The following CNTN3 variants were observed in gnomAD, a reference collection of about 807,000 sequenced individuals.
CNTN3 encodes the protein contactin 3.
CNTN3 carries 60 observed loss-of-function variants against 119.1 expected under a neutral mutation model. That is an observed-to-expected ratio of 0.50 (90% CI 0.41 to 0.62). CNTN3 has a LOEUF of 0.62. Among genes scored for constraint, CNTN3 ranks in the 20% least tolerant of loss-of-function variants. The probability of loss-of-function intolerance (pLI) is 0.00; values close to 1 mark genes in which losing one functional copy is unlikely to be tolerated. For missense variants in CNTN3, 1,101 were observed against 1,242.4 expected (o/e 0.89, Z 1.71); for synonymous variants, 450 against 438.7 (o/e 1.03, Z -0.32).
intron 4 of CNTN3, among the ~76,000 whole-genome samples, chr3:74,457,021 C>T: frequency 6.6e-6 from 1 of 151,950 alleles, no homozygotes; most frequent in Non-Finnish European, 1.5e-5. Flanking sequence ...ATGCAACAGT[C>T]TGTTAATGGT....
chr3:74,424,038 C>A (rs998193133), intron 5 of CNTN3, among the ~76,000 whole-genome samples: 2 of 152,122 alleles, frequency 1.3e-5, no homozygotes, highest in Non-Finnish European at 2.9e-5. Flanking sequence ...TCAGAAAGAT[C>A]CACTCTAACT....
intron 1 of CNTN3, among the ~76,000 whole-genome samples, chr3:74,530,284 C>T (rs1317228029): frequency 6.6e-6 from 1 of 151,956 alleles, no homozygotes; most frequent in African/African-American, 2.4e-5. Context: ...GCAGGTATTA[C>T]ATCCCAAAGG....
At chr3:74,381,010 T>C (rs1209227090) in intron 5 of CNTN3, among the ~76,000 whole-genome samples, 2 of 151,980 alleles carry the variant, frequency 1.3e-5, no homozygotes, top group Non-Finnish European at 1.5e-5. Context: ...AAGGGTCTTC[T>C]TACCAGGGAC....
At chr3:74,414,875 G>GCC (rs1197474020) in intron 5 of CNTN3, among the ~76,000 whole-genome samples, 1 of 81,672 alleles carries the variant, frequency 1.2e-5, no homozygotes, top group East Asian at 4.9e-4. Flanking sequence ...GTTTCCTATA[G>GCC]TCTTTTTTTT....
chr3:74,368,746 G>C (rs141045350), intron 8 of CNTN3, among the ~76,000 whole-genome samples: 1 of 150,958 alleles, frequency 6.6e-6, no homozygotes, highest in Non-Finnish European at 1.5e-5. Context: ...AACTCAACAA[G>C]AGCCAGAGTT....
intron 4 of CNTN3, among the ~76,000 whole-genome samples, chr3:74,459,363 A>G (rs1702324267): frequency 6.6e-6 from 1 of 151,950 alleles, no homozygotes; most frequent in African/African-American, 2.4e-5. Flanking sequence ...ATCCTTATCA[A>G]GGCCACCATC....
chr3:74,594,146 T>G (rs997600724), intron 1 of CNTN3, among the ~76,000 whole-genome samples: 1 of 151,904 alleles, frequency 6.6e-6, no homozygotes, highest in African/African-American at 2.4e-5. Flanking sequence ...GTTGTGCACT[T>G]CCTAGTGTAG....
intron 5 of CNTN3, among the ~76,000 whole-genome samples, chr3:74,407,329 C>T (rs538099362): frequency 3.1e-4 from 40 of 128,352 alleles, no homozygotes; most frequent in East Asian, 2.4e-4. Flanking sequence ...AGTTCAATGG[C>T]GCAATCTCAG....
intron 1 of CNTN3, among the ~76,000 whole-genome samples, chr3:74,603,939 A>T (rs894051982): frequency 6.6e-6 from 1 of 152,186 alleles, no homozygotes; most frequent in Non-Finnish European, 1.5e-5. Flanking sequence ...CAGCAATCAA[A>T]ACAGCATGGT....
intron 13 of CNTN3, among the ~76,000 whole-genome samples, chr3:74,310,632 A>G (rs548991828): frequency 6.6e-6 from 1 of 152,324 alleles, no homozygotes; most frequent in African/African-American, 2.4e-5. Context: ...GGAACAAGGT[A>G]GAAGTGGATA....
At chr3:74,511,300 C>A (rs954380968) in intron 2 of CNTN3, among the ~76,000 whole-genome samples, 1 of 152,060 alleles carries the variant, frequency 6.6e-6, no homozygotes, top group Non-Finnish European at 1.5e-5. Context: ...GTAAGACATC[C>A]ATGGATGTCA....
Position 74,369,217 on chromosome 3 carries a change from AT to A in CNTN3, c.917del (p.Asn306MetfsTer19). The A allele has an allele frequency of 1.2e-6, 2 of 1,605,488 alleles. No individual in the cohort carries two copies. The highest frequency in any genetic ancestry group is 8.5e-7 in the Non-Finnish European group (1 of 1,176,164). On this transcript the variant is annotated frameshift_variant, in exon 8 of 23. Transcript: ENST00000263665. LOFTEE classifies it high-confidence loss of function. The part of the protein sequence containing the change: ...ECIAENSRGK[N>X]VARGRLTYYA... ...AGTAAGTGAGACGCCCTCTGGCAACATTTTTTCCTCGTGAATTCTCAGCAAT... is the reference window on the plus strand; with the variant it reads ...AGTAAGTGAGACGCCCTCTGGCAACATTTTTCCTCGTGAATTCTCAGCAAT...
chr3:74,336,365 G>C (rs1169215428), intron 12 of CNTN3, among the ~76,000 whole-genome samples, 166 bp downstream of exon 12: 1 of 152,106 alleles, frequency 6.6e-6, no homozygotes, highest in East Asian at 1.9e-4. Context: ...CTGTGCTAAG[G>C]AAATATTGTT....
intron 3 of CNTN3, 75 bp from the exon 4 acceptor site, chr3:74,486,706 C>G (rs1702866630): frequency 8.0e-7 from 1 of 1,244,950 alleles, no homozygotes; most frequent in Non-Finnish European, 1.1e-6. Context: ...ATAAAATCTA[C>G]TTTAAACATT....
chr3:74,322,923 A>AT (rs1703031935), intron 13 of CNTN3, among the ~76,000 whole-genome samples: 1 of 152,204 alleles, frequency 6.6e-6, no homozygotes, highest in Non-Finnish European at 1.5e-5. Flanking sequence ...GTCCAACAAT[A>AT]TGACATTCTG....
intron 4 of CNTN3, among the ~76,000 whole-genome samples, chr3:74,479,692 A>T (rs1702727700): frequency 6.6e-6 from 1 of 152,012 alleles, no homozygotes; most frequent in African/African-American, 2.4e-5. Context: ...TGGGGGGTGG[A>T]CACAGCAGAG....
intron 20 of CNTN3, among the ~76,000 whole-genome samples, chr3:74,278,355 C>G (rs1331231856): frequency 6.6e-6 from 1 of 152,094 alleles, no homozygotes; most frequent in Non-Finnish European, 1.5e-5. Flanking sequence ...TGATTTCAAA[C>G]TATACTATAA....
intron 4 of CNTN3, among the ~76,000 whole-genome samples, chr3:74,440,666 T>G (rs1249226342): frequency 6.6e-6 from 1 of 152,128 alleles, no homozygotes; most frequent in Non-Finnish European, 1.5e-5. Flanking sequence ...TATTTATTTT[T>G]TTTTACTTTA....
intron 4 of CNTN3, among the ~76,000 whole-genome samples, chr3:74,465,068 T>C (rs560931118): frequency 3.9e-5 from 6 of 152,194 alleles, no homozygotes; most frequent in South Asian, 2.1e-4. Context: ...TACCTTGCTT[T>C]AATATTTCTA....
Sources: gnomAD v4.1 joint callset for allele counts (sites outside exome capture counted in the v4.1 genomes callset) on GRCh38, gnomAD v4.1.1 for gene constraint, MANE v1.5 for transcripts, NCBI Gene and HGNC (gene_info 2026-07-23, HGNC 2026-07-21) for gene names.